The following DAB1 variants were observed in gnomAD, a reference collection of about 807,000 sequenced individuals.
DAB1 encodes the protein disabled homolog 1.
A neutral mutation model predicts 64.6 loss-of-function variants in DAB1; 15 were observed. That is an observed-to-expected ratio of 0.23 (90% CI 0.16 to 0.36). The LOEUF is 0.36. DAB1 is among the 10% of genes least tolerant of loss of function. The pLI is 1.00. For synonymous variants in DAB1, 235 were observed against 251.9 expected, an observed-to-expected ratio of 0.93 and a Z score of 0.64; for missense variants, 596 against 706.7, an observed-to-expected ratio of 0.84 and a Z score of 1.78.
intron 4 of DAB1, among the ~76,000 whole-genome samples, chr1:57,134,702 A>G (rs1008716002): frequency 6.6e-6 from 1 of 152,118 alleles, no homozygotes; most frequent in African/African-American, 2.4e-5. Context: ...ACGTGGGTGA[A>G]GTTAGAAAAG....
rs190616528 is a variant in DAB1 at position 57,042,077 on chromosome 1, A to G, written c.724-16034T>C. Among the ~76,000 whole-genome samples, 309 of 152,280 alleles carry G rather than the reference A, an allele frequency of 2.0e-3. 1 individual carries two copies. Among genetic ancestry groups the G allele is most frequent in the African/African-American group, 7.0e-3 (292 of 41,568 alleles). ...AGCTCACATTTTGTAACAAGGAAAC[A>G]GGCTCAAAGGAAACCCTTGCTTGCT... On this transcript the variant is annotated intron_variant, in intron 9 of 14. Coordinates refer to ENST00000371236, the MANE Select transcript of DAB1 (RefSeq NM_001365792.1).
chr1:58,506,599 T>C (rs1645994275), intron 2 of DAB1, among the ~76,000 whole-genome samples: 1 of 152,196 alleles, frequency 6.6e-6, no homozygotes, highest in South Asian at 2.1e-4. Context: ...TAACCAAAGA[T>C]AGCCCACTAT....
downstream of DAB1, among the ~76,000 whole-genome samples, chr1:57,823,918 T>A (rs1652235097): frequency 6.6e-6 from 1 of 152,220 alleles, no homozygotes; most frequent in Non-Finnish European, 1.5e-5. Flanking sequence ...ACCCTAGACC[T>A]GTCTGATTAG....
At chr1:57,117,310 A>C (rs1316165933) in intron 4 of DAB1, among the ~76,000 whole-genome samples, 3 of 152,220 alleles carry the variant, frequency 2.0e-5, no homozygotes, top group Non-Finnish European at 4.4e-5. Flanking sequence ...ATGGCTGTAG[A>C]GTTCAACTTT....
At chr1:57,841,142 C>T (rs116769817) in intron 1 of DAB1, among the ~76,000 whole-genome samples, 3 of 152,322 alleles carry the variant, frequency 2.0e-5, no homozygotes, top group Admixed American at 6.5e-5. Context: ...CAAAACCCAA[C>T]AGGGTAGTCA....
intron 7 of DAB1, among the ~76,000 whole-genome samples, chr1:57,543,343 C>T (rs1302914400): frequency 6.6e-6 from 1 of 152,152 alleles, no homozygotes; most frequent in Non-Finnish European, 1.5e-5. Flanking sequence ...TCCCCTATGT[C>T]ATGCTGTTTC....
chr1:57,508,907 C>T (rs776716782), intron 7 of DAB1, among the ~76,000 whole-genome samples: 6 of 151,698 alleles, frequency 4.0e-5, no homozygotes, highest in Admixed American at 2.0e-4. Flanking sequence ...ACTTATAAAA[C>T]ATTTATATAT....
At chr1:57,898,434 G>T (rs1177672719) in intron 5 of DAB1, among the ~76,000 whole-genome samples, 1 of 152,122 alleles carries the variant, frequency 6.6e-6, no homozygotes, top group East Asian at 1.9e-4. Context: ...CATGCATCAT[G>T]CTAGTCAACA....
At chr1:57,170,932 G>T (rs963669226) in intron 2 of DAB1, among the ~76,000 whole-genome samples, 3 of 152,094 alleles carry the variant, frequency 2.0e-5, no homozygotes, top group Non-Finnish European at 4.4e-5. Flanking sequence ...TGCTCTGCAG[G>T]GTCCTGGCTC....
At chr1:57,857,938 G>GAAA (rs57573578) in intron 1 of DAB1, among the ~76,000 whole-genome samples, 1 of 121,474 alleles carries the variant, frequency 8.2e-6, no homozygotes, top group South Asian at 2.6e-4. Flanking sequence ...TAAAAAGAAA[G>GAAA]AAAAAAAAAA....
chr1:57,577,154 T>C (rs1645260177), intron 7 of DAB1, among the ~76,000 whole-genome samples: 1 of 152,180 alleles, frequency 6.6e-6, no homozygotes, highest in African/African-American at 2.4e-5. Flanking sequence ...GGGGACACTT[T>C]GGTACCCATT....
chr1:57,010,537 A>T (rs1646231311), intron 14 of DAB1, 143 bp downstream of exon 14: 2 of 458,962 alleles, frequency 4.4e-6, no homozygotes, highest in South Asian at 1.3e-4. Flanking sequence ...TCAGGGAAGG[A>T]GCGATGGTGC....
At chr1:57,813,637 T>G (rs1247753195) in intron 6 of DAB1, among the ~76,000 whole-genome samples, 1 of 152,168 alleles carries the variant, frequency 6.6e-6, no homozygotes, top group Non-Finnish European at 1.5e-5. Context: ...GACGTTGAAG[T>G]GAATATGCTG....
intron 3 of DAB1, among the ~76,000 whole-genome samples, chr1:58,431,152 A>G (rs1044369435): frequency 6.6e-6 from 1 of 152,210 alleles, no homozygotes; most frequent in African/African-American, 2.4e-5. Context: ...GGTAATGCTC[A>G]TGATGTGATT....
intron 3 of DAB1, among the ~76,000 whole-genome samples, chr1:58,414,609 G>GT (rs144218339): frequency 4.0e-5 from 6 of 150,994 alleles, no homozygotes; most frequent in South Asian, 2.1e-4. Flanking sequence ...AAGCAATAAT[G>GT]TTTTTTTTTC....
intron 6 of DAB1, among the ~76,000 whole-genome samples, chr1:57,769,961 T>C (rs1466837646): frequency 6.6e-6 from 1 of 152,096 alleles, no homozygotes; most frequent in Non-Finnish European, 1.5e-5. Flanking sequence ...CTTCAACATG[T>C]GTTATAGTCA....
rs1271387536 is a variant in DAB1, at chr1:56,996,440, CAT to C, written c.*1702_*1703del. 1 of 152,172 alleles carries C rather than the reference CAT, an allele frequency of 6.6e-6. No homozygotes were observed. Among genetic ancestry groups the C allele is most frequent in the Non-Finnish European group, 1.5e-5 (1 of 68,032 alleles). The allele number at this position is 152,172 out of a possible 1,614,324, so 9.4% of individuals were successfully genotyped here. On this transcript the variant is annotated 3_prime_UTR_variant, in exon 15 of 15. Coordinates refer to ENST00000371236, the MANE Select transcript of DAB1 (RefSeq NM_001365792.1). ...AAATATATAGATTCTTTATGAAAAT[CAT>C]GTGCTAAACATACGAACCAAACACT...
chr1:58,479,121 C>T (rs912630742), intron 3 of DAB1, among the ~76,000 whole-genome samples: 2 of 152,102 alleles, frequency 1.3e-5, no homozygotes, highest in African/African-American at 4.8e-5. Context: ...ATGAACAACA[C>T]AATTAGAAGT....
chr1:57,575,521 G>A (rs1645239990), intron 7 of DAB1, among the ~76,000 whole-genome samples: 1 of 152,178 alleles, frequency 6.6e-6, no homozygotes, highest in Non-Finnish European at 1.5e-5. Context: ...GGAGTCACAT[G>A]ATGTAGAAAA....
Sources: gnomAD v4.1 joint callset for allele counts (sites outside exome capture counted in the v4.1 genomes callset) on GRCh38, gnomAD v4.1.1 for gene constraint, MANE v1.5 for transcripts, NCBI Gene and HGNC (gene_info 2026-07-23, HGNC 2026-07-21) for gene names.